Variants in TRMT10B observed in about 807,000 individuals in gnomAD.
The protein encoded by TRMT10B is tRNA methyltransferase 10 homolog B.
In TRMT10B, 33 loss-of-function variants were observed where a neutral mutation model predicts 43.8. The observed-to-expected ratio is 0.75, with a 90% CI of 0.57 to 1.01. The LOEUF (loss-of-function observed/expected upper bound fraction) is 1.01, where lower values mean the gene tolerates loss of function less well. Among genes scored for constraint, TRMT10B ranks in the 50% least tolerant of loss-of-function variants. The probability of loss-of-function intolerance (pLI) is 0.00; values close to 1 mark genes in which losing one functional copy is unlikely to be tolerated. For synonymous variants in TRMT10B, 137 were observed against 130.6 expected (o/e 1.05, Z -0.34); for missense variants, 362 against 369.8 (o/e 0.98, Z 0.17).
chr9:37,776,545 C>G (rs1272971541), intron 8 of TRMT10B, 140 bp downstream of exon 8: 2 of 1,085,284 alleles, frequency 1.8e-6, no homozygotes. Context: ...GACATATATT[C>G]TGGCCACTAA....
chr9:37,777,953 C>A lies in TRMT10B; in HGVS notation c.*246C>A. 1 of 342,948 alleles carries A rather than the reference C, an allele frequency of 2.9e-6. No homozygotes were observed. The highest frequency in any genetic ancestry group is 5.6e-6 in the Non-Finnish European group (1 of 179,512). The allele number at this position is 342,948 out of a possible 1,614,324, so 21.2% of individuals were successfully genotyped here. A position where few individuals can be genotyped will look rare whatever the true frequency, so the allele number is the denominator to read the frequency against. ...TCGGGAGGCGAAGGTTGCAGTGAGC[C>A]GAGATTTCACCAGTGCACTCCAGCC... On this transcript the variant is annotated 3_prime_UTR_variant, in exon 9 of 9. Coordinates refer to ENST00000297994, the MANE Select transcript of TRMT10B (RefSeq NM_144964.4).
Position 37,763,645 on chromosome 9 carries a change from C to G in TRMT10B, c.312C>G (p.His104Gln), listed in dbSNP as rs760703428. The change falls in exon 4 of 9, where the codon CAC becomes CAG. Residue 104 changes from histidine (H) to glutamine (Q), a missense_variant. Coordinates refer to ENST00000297994, the MANE Select transcript of TRMT10B (RefSeq NM_144964.4). ...RAENPGICPQHSKRFLRALTK... is the reference protein window; with the variant it reads ...RAENPGICPQQSKRFLRALTK... Reference sequence around the variant, plus strand: ...CTGCTTTAGGCATTTGCCCCCAGCACAGCAAACGTTTCCTGAGAGCTCTAA... The same window carrying G: ...CTGCTTTAGGCATTTGCCCCCAGCAGAGCAAACGTTTCCTGAGAGCTCTAA... 4 of 1,614,154 alleles carry G rather than the reference C, an allele frequency of 2.5e-6. No individual in the cohort carries two copies. The highest frequency in any genetic ancestry group is 3.4e-6 in the Non-Finnish European group (4 of 1,180,014).
At chr9:37,766,082 A>C (rs1036459216) in intron 4 of TRMT10B, among the ~76,000 whole-genome samples, 2 of 152,126 alleles carry the variant, frequency 1.3e-5, no homozygotes, top group African/African-American at 4.8e-5. Context: ...CTTTAGTTGA[A>C]TTAGATCCCA....
chr9:37,753,201 T>A (rs1825143143), upstream of TRMT10B, among the ~76,000 whole-genome samples: 1 of 152,212 alleles, frequency 6.6e-6, no homozygotes, highest in Non-Finnish European at 1.5e-5. Context: ...ACACGCAGTC[T>A]TTAAGAATTG....
intron 8 of TRMT10B, among the ~76,000 whole-genome samples, chr9:37,776,777 T>C (rs1175735282): frequency 6.6e-6 from 1 of 151,708 alleles, no homozygotes; most frequent in East Asian, 1.9e-4. Flanking sequence ...TGCACGCCTG[T>C]AATACCAATT....
chr9:37,771,025 C>T (rs1287539589), intron 7 of TRMT10B, among the ~76,000 whole-genome samples: 1 of 152,180 alleles, frequency 6.6e-6, no homozygotes, highest in African/African-American at 2.4e-5. Flanking sequence ...TGATATTGAC[C>T]AAGTAAGCAT....
chr9:37,762,483 A>G, intron 2 of TRMT10B, 94 bp from the exon 3 acceptor site: 1 of 1,475,078 alleles, frequency 6.8e-7, no homozygotes, highest in East Asian at 2.5e-5. Flanking sequence ...AACTATATAT[A>G]TAAATAAGAA....
At chr9:37,759,419 ATACAGCTAATCCATGGT>A in intron 1 of TRMT10B, among the ~76,000 whole-genome samples, 1 of 152,376 alleles carries the variant, frequency 6.6e-6, no homozygotes. Flanking sequence ...TGTATAATAG[ATACAGCTAATCCATGGT>A]TATAGCAAAG....
chr9:37,776,567 T>G, intron 8 of TRMT10B, 162 bp downstream of exon 8: 1 of 892,708 alleles, frequency 1.1e-6, no homozygotes, highest in Non-Finnish European at 1.6e-6. Flanking sequence ...AGGCATTCTG[T>G]TTTCTTCGTC....
At chr9:37,764,796 G>A (rs1826806748) in intron 4 of TRMT10B, among the ~76,000 whole-genome samples, 1 of 152,134 alleles carries the variant, frequency 6.6e-6, no homozygotes, top group Admixed American at 6.5e-5. Flanking sequence ...AGAGTTCTGG[G>A]AATGGCAGAA....
chr9:37,760,631 A>G (rs1826224995), intron 1 of TRMT10B, among the ~76,000 whole-genome samples: 1 of 152,170 alleles, frequency 6.6e-6, no homozygotes, highest in Admixed American at 6.6e-5. Context: ...ATATGATTTC[A>G]GTTTAAGGAG....
At chr9:37,769,072 C>T (rs904120967) in intron 5 of TRMT10B, among the ~76,000 whole-genome samples, 2 of 151,934 alleles carry the variant, frequency 1.3e-5, no homozygotes, top group African/African-American at 4.8e-5. Context: ...CTTTGGGAGG[C>T]CGAGGCAGGT....
chr9:37,752,958 C>G (rs1230411428), upstream of TRMT10B, among the ~76,000 whole-genome samples: 4 of 152,114 alleles, frequency 2.6e-5, no homozygotes, highest in South Asian at 4.1e-4. Flanking sequence ...TGTAATAAAT[C>G]TTGTTGCTTG....
chr9:37,757,480 A>G (rs1042378429), intron 1 of TRMT10B, among the ~76,000 whole-genome samples: 3 of 152,230 alleles, frequency 2.0e-5, no homozygotes, highest in Admixed American at 1.3e-4. Context: ...AAAAATGTGT[A>G]CTGGATTTTA....
In TRMT10B at chr9:37,767,358, T is replaced by C. The variant is rs550671204; in HGVS notation, c.421-718T>C. 5 of 150,930 alleles carry C rather than the reference T, an allele frequency of 3.3e-5. No homozygotes were observed. In the East Asian group the frequency reaches 9.7e-4, roughly 29 times the overall value. 9.3% of individuals were successfully genotyped at this position (150,930 alleles called of 1,614,324 possible). The stretch of plus-strand genomic sequence containing the variant: ...TAGGAAGACCCTGCCTCTAAAAAAT[T>C]AAAAATTAGCCAGGTATGGTGGCCT... On this transcript the variant is annotated intron_variant, in intron 4 of 8. Coordinates refer to ENST00000297994, the MANE Select transcript of TRMT10B (RefSeq NM_144964.4).
upstream of TRMT10B, among the ~76,000 whole-genome samples, chr9:37,753,051 G>C (rs149868924): frequency 6.7e-6 from 1 of 149,922 alleles, no homozygotes; most frequent in African/African-American, 2.5e-5. Context: ...CTTGAGGCCC[G>C]TGTGACCACG....
At chr9:37,767,966 A>G in intron 4 of TRMT10B, 110 bp from the exon 5 acceptor site, 1 of 1,200,238 alleles carries the variant, frequency 8.3e-7, no homozygotes, top group Non-Finnish European at 1.2e-6. Context: ...CTCCTAGTAC[A>G]TGGGGTTTTC....
At chr9:37,772,314 T>A (rs1457436849) in intron 7 of TRMT10B, among the ~76,000 whole-genome samples, 1 of 151,918 alleles carries the variant, frequency 6.6e-6, no homozygotes. Context: ...GTGCCTGGCC[T>A]AGTTCTTAAA....
chr9:37,776,470 T>G (rs1828165174), intron 8 of TRMT10B, 65 bp downstream of exon 8: 1 of 1,515,008 alleles, frequency 6.6e-7, no homozygotes, highest in South Asian at 1.4e-5. Context: ...GCACTGTGTT[T>G]AAGTGGCCTT....
Sources: gnomAD v4.1 joint callset for allele counts (sites outside exome capture counted in the v4.1 genomes callset) on GRCh38, gnomAD v4.1.1 for gene constraint, MANE v1.5 for transcripts, NCBI Gene and HGNC (gene_info 2026-07-23, HGNC 2026-07-21) for gene names.